Variants in VWA3B observed in about 807,000 individuals in gnomAD.
VWA3B encodes von Willebrand factor A domain containing 3B, also known as von Willebrand factor A domain-containing protein 3B.
In VWA3B, 138 loss-of-function variants were observed where a neutral mutation model predicts 158.3. That is an observed-to-expected ratio of 0.87 (90% CI 0.76 to 1.00). The LOEUF (loss-of-function observed/expected upper bound fraction) is 1.00, where lower values mean the gene tolerates loss of function less well. Among genes scored for constraint, VWA3B ranks in the 50% least tolerant of loss-of-function variants. The pLI is 0.00. For missense variants in VWA3B, 1,555 were observed against 1,565.1 expected (o/e 0.99, Z 0.11); for synonymous variants, 596 against 587.3 (o/e 1.01, Z -0.21).
At chr2:98,151,561 C>T (rs2105171249) in intron 7 of VWA3B, among the ~76,000 whole-genome samples, 1 of 152,250 alleles carries the variant, frequency 6.6e-6, no homozygotes, top group South Asian at 2.1e-4. Flanking sequence ...ACTCCACTCA[C>T]ACGGAGGTGG....
At chr2:98,249,568 G>T (rs1383416444) in intron 19 of VWA3B, among the ~76,000 whole-genome samples, 2 of 152,126 alleles carry the variant, frequency 1.3e-5, no homozygotes, top group Non-Finnish European at 2.9e-5. Context: ...TGGGGAAGGA[G>T]ACCAGAATTT....
intron 13 of VWA3B, 103 bp downstream of exon 13, chr2:98,212,131 G>T: frequency 1.1e-6 from 1 of 911,842 alleles, no homozygotes; most frequent in Non-Finnish European, 1.7e-6. Flanking sequence ...AAAAATCTGT[G>T]GACATATACT....
At position 98,120,005 on chromosome 2, in the gene VWA3B, C is replaced by T. The variant is rs184571537; in HGVS notation, c.542+242C>T. 2.0e-5 allele frequency among the ~76,000 whole-genome samples: 3 copies of T among 152,270 alleles called. No individual in the cohort carries two copies. The East Asian group carries it at 5.8e-4, about 29-fold the overall frequency. On this transcript the variant is annotated intron_variant, in intron 4 of 27. Transcript: ENST00000477737. Reference sequence around the variant, plus strand: ...AAAAGAGATTTAGAAACATGCATTTCTTCAGTGCATGGGAAGGTTAAAATA... The same window carrying T: ...AAAAGAGATTTAGAAACATGCATTTTTTCAGTGCATGGGAAGGTTAAAATA...
At position 98,122,373 on chromosome 2, in the gene VWA3B, A is replaced by G. The variant is rs560751941; in HGVS notation, c.702+915A>G. Reference sequence around the variant, plus strand: ...CATCAAGAAGTCCATTGTTGGAGAAAGAAGCCACGTGTTGGCATCTTGAAA... The same window carrying G: ...CATCAAGAAGTCCATTGTTGGAGAAGGAAGCCACGTGTTGGCATCTTGAAA... On this transcript the variant is annotated intron_variant, in intron 5 of 27. Transcript: ENST00000477737. Among the ~76,000 whole-genome samples, 6 of 152,382 alleles carry G rather than the reference A, an allele frequency of 3.9e-5. No individual in the cohort carries two copies. The East Asian group carries it at 7.7e-4, about 20-fold the overall frequency.
At position 98,154,057 on chromosome 2, in the gene VWA3B, T is replaced by A. The variant is rs1305719990; in HGVS notation, c.989-8794T>A. 4.6e-5 allele frequency among the ~76,000 whole-genome samples: 7 copies of A among 152,258 alleles called. No homozygotes were observed. In the East Asian group the frequency reaches 1.2e-3, roughly 25 times the overall value. On this transcript the variant is annotated intron_variant, in intron 7 of 27. Transcript: ENST00000477737. ...TTGTATTTTTAGTAGAGACGGGGTT[T>A]CACCATGTTGGCCAGGCTGGTCTCA...
chr2:98,146,772 T>G (rs894713526), intron 7 of VWA3B, among the ~76,000 whole-genome samples: 1 of 152,206 alleles, frequency 6.6e-6, no homozygotes, highest in Non-Finnish European at 1.5e-5. Context: ...TCTTTTCCAC[T>G]CTCATTTACC....
At chr2:98,296,367 G>A (rs373325874) in intron 23 of VWA3B, among the ~76,000 whole-genome samples, 1 of 152,132 alleles carries the variant, frequency 6.6e-6, no homozygotes, top group East Asian at 1.9e-4. Flanking sequence ...CTAAAAGGTA[G>A]TATTTGTTTT....
At chr2:98,281,709 A>G (rs1688884945) in intron 22 of VWA3B, among the ~76,000 whole-genome samples, 1 of 152,130 alleles carries the variant, frequency 6.6e-6, no homozygotes, top group Non-Finnish European at 1.5e-5. Flanking sequence ...AGAGGGTCAC[A>G]CCATTTGGGG....
chr2:98,307,930 G>A (rs1690629513), intron 26 of VWA3B, among the ~76,000 whole-genome samples: 2 of 152,122 alleles, frequency 1.3e-5, no homozygotes, highest in Non-Finnish European at 2.9e-5. Flanking sequence ...CCTTCCTTCT[G>A]GGAGCCTTTC....
At chr2:98,237,663 C>T (rs1195429010) in intron 19 of VWA3B, among the ~76,000 whole-genome samples, 1 of 152,050 alleles carries the variant, frequency 6.6e-6, no homozygotes, top group Non-Finnish European at 1.5e-5. Context: ...TGAAGAACAC[C>T]AAAAACATGA....
At chr2:98,171,899 G>C (rs988628238) in intron 8 of VWA3B, among the ~76,000 whole-genome samples, 2 of 152,200 alleles carry the variant, frequency 1.3e-5, no homozygotes, top group African/African-American at 4.8e-5. Context: ...CCCCTTGCAG[G>C]ATGTGTGATG....
intron 20 of VWA3B, among the ~76,000 whole-genome samples, chr2:98,252,788 C>A (rs939616210): frequency 6.6e-6 from 1 of 152,124 alleles, no homozygotes; most frequent in South Asian, 2.1e-4. Flanking sequence ...AAAAGAGAGG[C>A]CTCCTTTCTT....
rs763278235 is a variant in VWA3B, at chr2:98,312,462, G to A, written c.*113G>A. On this transcript the variant is annotated 3_prime_UTR_variant, in exon 28 of 28. Transcript: ENST00000477737. ...CGGAGGTAAGGCCGCCCTCCGCGCCGCCTATGCCTGCCCTGTCTGTAGCAA... is the reference window on the plus strand; with the variant it reads ...CGGAGGTAAGGCCGCCCTCCGCGCCACCTATGCCTGCCCTGTCTGTAGCAA... The A allele has an allele frequency of 4.8e-5, 63 of 1,316,164 alleles. No homozygotes were observed. Among genetic ancestry groups the A allele is most frequent in the Middle Eastern group, 2.4e-4 (1 of 4,114 alleles). 81.5% of individuals were successfully genotyped at this position (1,316,164 alleles called of 1,614,324 possible).
chr2:98,255,054 C>G (rs1687028123), intron 20 of VWA3B, among the ~76,000 whole-genome samples: 1 of 151,758 alleles, frequency 6.6e-6, no homozygotes, highest in African/African-American at 2.4e-5. Flanking sequence ...CGCTCTGTCA[C>G]CCAGGCTGGA....
chr2:98,282,461 A>G (rs1012054626), intron 22 of VWA3B, among the ~76,000 whole-genome samples: 1 of 143,724 alleles, frequency 7.0e-6, no homozygotes, highest in Non-Finnish European at 1.5e-5. Context: ...TTTTTGAGAC[A>G]AAGTCTCACT....
At position 98,259,404 on chromosome 2, in the gene VWA3B, T is replaced by G. The variant is rs1356608770; in HGVS notation, c.2843+3230T>G. On this transcript the variant is annotated intron_variant, in intron 21 of 27. Coordinates refer to ENST00000477737, the MANE Select transcript of VWA3B (RefSeq NM_144992.5). ...AATTTCCCTTTGTTGGGGGATTTTT[T>G]ATTTCTTATGCAAAGTATTTAATTG... Among the ~76,000 whole-genome samples the G allele has an allele frequency of 3.3e-5, 5 of 151,768 alleles. No homozygotes were observed. In the East Asian group the frequency reaches 9.6e-4, roughly 29 times the overall value.
chr2:98,187,899 G>C (rs1043864311), intron 9 of VWA3B, 76 bp from the exon 10 acceptor site: 7 of 1,454,124 alleles, frequency 4.8e-6, no homozygotes, highest in African/African-American at 4.3e-5. Context: ...GAATACGACA[G>C]AGCTTAAGGT....
intron 21 of VWA3B, among the ~76,000 whole-genome samples, chr2:98,256,878 T>C (rs1574214258): frequency 6.6e-6 from 1 of 152,208 alleles, no homozygotes; most frequent in Non-Finnish European, 1.5e-5. Flanking sequence ...CTTGCACACA[T>C]GTAATGATCA....
At chr2:98,179,483 G>T (rs1223479182) in intron 8 of VWA3B, among the ~76,000 whole-genome samples, 1 of 152,134 alleles carries the variant, frequency 6.6e-6, no homozygotes, top group Non-Finnish European at 1.5e-5. Context: ...AGCCTGCAGG[G>T]TGGAAAGCCA....
Sources: gnomAD v4.1 joint callset for allele counts (sites outside exome capture counted in the v4.1 genomes callset) on GRCh38, gnomAD v4.1.1 for gene constraint, MANE v1.5 for transcripts, NCBI Gene and HGNC (gene_info 2026-07-23, HGNC 2026-07-21) for gene names.